OR5K2: variants seen among roughly 807,000 people sequenced by gnomAD.
OR5K2 encodes the protein olfactory receptor 5K2.
For synonymous variants in OR5K2, 124 were observed against 133.2 expected (o/e 0.93, Z 0.48); for missense variants, 402 against 369.8 (o/e 1.09, Z -0.71).
Position 98,498,009 on chromosome 3 carries a change from C to T in OR5K2, c.329C>T (p.Ala110Val). The T allele has an allele frequency of 1.9e-6, 3 of 1,614,048 alleles. No homozygotes were observed. Among genetic ancestry groups the T allele is most frequent in the Non-Finnish European group, 2.5e-6 (3 of 1,179,990 alleles). Residue 110 changes from alanine to valine, a missense_variant, in exon 1 of 1, where the codon GCA (alanine) becomes GTA (valine). Transcript: ENST00000427338. ...QFYFLCTVET[A>V]DCFLLAAVAY... ...TATTTTCTTTGCACTGTGGAAACTG[C>T]AGACTGCTTTCTTCTGGCAGCAGTG...
In OR5K2 at chr3:98,498,064, C is replaced by G. The variant is rs376458650; in HGVS notation, c.384C>G (p.Asn128Lys). The G allele has an allele frequency of 2.7e-5, 43 of 1,614,070 alleles. No individual in the cohort carries two copies. In the African/African-American group the frequency reaches 4.4e-4, roughly 17 times the overall value. The change falls in exon 1 of 1, where the codon AAC becomes AAG. Residue 128 changes from asparagine (N) to lysine (K), a missense_variant. Physicochemically the swap from Asn to Lys is moderately conservative, Grantham distance 94. Coordinates refer to ENST00000427338, the MANE Select transcript of OR5K2 (RefSeq NM_001004737.1). ...VAYDRYVAIC[N>K]PLQYHIMMSK... Reference sequence around the variant, plus strand: ...ATGACCGCTATGTGGCCATCTGCAACCCACTGCAGTACCACATCATGATGT... The same window carrying G: ...ATGACCGCTATGTGGCCATCTGCAAGCCACTGCAGTACCACATCATGATGT...
chr3:98,498,564 A>G lies in OR5K2; in HGVS notation c.884A>G (p.Lys295Arg), dbSNP rs201954452. ...CCTTTCATTTATAGTCTGAGAAACA[A>G]GGAAGTAATAAGTGTCTTAAGAAAA... is the stretch of plus-strand genomic sequence containing the variant. The part of the protein sequence containing the change: ...LNPFIYSLRN[K>R]EVISVLRKIL... Residue 295 changes from lysine to arginine, a missense_variant, in exon 1 of 1, where the codon AAG (lysine) becomes AGG (arginine). By Grantham distance (26) the Lys-to-Arg change is conservative. Coordinates refer to ENST00000427338, the MANE Select transcript of OR5K2 (RefSeq NM_001004737.1). 2.6e-5 allele frequency: 42 copies of G among 1,601,648 alleles called. No homozygotes were observed. Among genetic ancestry groups the G allele is most frequent in the Non-Finnish European group, 3.2e-5 (37 of 1,173,566 alleles).
chr3:98,497,869 G>A lies in OR5K2; in HGVS notation c.189G>A (p.Leu63=). 1 of 1,614,032 alleles carries A rather than the reference G, an allele frequency of 6.2e-7. No individual in the cohort carries two copies. The highest frequency in any genetic ancestry group is 8.5e-7 in the Non-Finnish European group (1 of 1,179,958). The change falls in exon 1 of 1, where the codon CTG becomes CTA. Residue 63 remains leucine (L), a synonymous_variant. Transcript: ENST00000427338. ...TTCACACACCAATGTACATCTTTCT[G>A]GGAAATCTGGCTCTTGTGGATTCTT... The part of the protein sequence containing the change: ...CRLHTPMYIF[L]GNLALVDSCC...
chr3:98,498,422 G>A lies in OR5K2; in HGVS notation c.742G>A (p.Val248Ile). 6.2e-7 allele frequency: 1 copy of A among 1,613,462 alleles called. No homozygotes were observed. The highest frequency in any genetic ancestry group is 1.3e-5 in the African/African-American group (1 of 74,972). ...FSTCASHFSS[V>I]SLFYGSIFFL... is the part of the protein sequence containing the mutation. ...TACTTGTGCATCCCACTTTTCATCA[G>A]TTTCATTATTCTATGGATCTATTTT... Residue 248 changes from valine (V) to isoleucine (I), a missense_variant, in exon 1 of 1, where the codon GTT becomes ATT. By Grantham distance (29) the Val-to-Ile change is conservative. Coordinates refer to ENST00000427338, the MANE Select transcript of OR5K2 (RefSeq NM_001004737.1).
Position 98,498,363 on chromosome 3 carries a change from T to C in OR5K2, c.683T>C (p.Met228Thr), listed in dbSNP as rs757775139. Residue 228 changes from methionine to threonine, a missense_variant, in exon 1 of 1, where the codon ATG becomes ACG. Met to Thr is a moderately conservative substitution (Grantham distance 81). Transcript: ENST00000427338. The part of the protein sequence containing the change: ...YLYILLTIFR[M>T]KSKEGRAKAF... Reference sequence around the variant, plus strand: ...TATATTCTTCTTACTATTTTCAGAATGAAATCCAAGGAGGGAAGGGCCAAA... The same window carrying C: ...TATATTCTTCTTACTATTTTCAGAACGAAATCCAAGGAGGGAAGGGCCAAA... 2 of 1,613,834 alleles carry C rather than the reference T, an allele frequency of 1.2e-6. No homozygotes were observed. Among genetic ancestry groups the C allele is most frequent in the African/African-American group, 2.7e-5 (2 of 75,036 alleles).
chr3:98,498,280 C>G lies in OR5K2; in HGVS notation c.600C>G (p.Phe200Leu), dbSNP rs755958165. The change falls in exon 1 of 1, where the codon TTC (phenylalanine) becomes TTG (leucine). Residue 200 changes from phenylalanine (F) to leucine (L), a missense_variant. Physicochemically the swap from Phe to Leu is conservative, Grantham distance 22 (BLOSUM62 0). Coordinates refer to ENST00000427338, the MANE Select transcript of OR5K2 (RefSeq NM_001004737.1). ...VDPFINELVL[F>L]IFSGSVQVFT... ...CTTTCATCAATGAACTGGTTCTATTCATCTTCTCAGGTTCAGTTCAAGTCT... is the reference window on the plus strand; with the variant it reads ...CTTTCATCAATGAACTGGTTCTATTGATCTTCTCAGGTTCAGTTCAAGTCT... 1.9e-6 allele frequency: 3 copies of G among 1,613,966 alleles called. No homozygotes were observed. Among genetic ancestry groups the G allele is most frequent in the Non-Finnish European group, 2.5e-6 (3 of 1,179,910 alleles).
In OR5K2 at chr3:98,498,237, G is replaced by T; in HGVS notation, c.557G>T (p.Arg186Ile). Residue 186 changes from arginine to isoleucine, a missense_variant, in exon 1 of 1, where the codon AGA becomes ATA. Physicochemically the swap from Arg to Ile is moderately conservative, Grantham distance 97. Transcript: ENST00000427338. The stretch of plus-strand genomic sequence containing the variant: ...TACTGTGATACTCTTCCCTTGTATA[G>T]ACTCTCCTGTGTTGACCCTTTCATC... ...HFYCDTLPLYRLSCVDPFINE... is the reference protein window; with the variant it reads ...HFYCDTLPLYILSCVDPFINE... The T allele has an allele frequency of 6.2e-7, 1 of 1,614,060 alleles. No homozygotes were observed.
In OR5K2 at chr3:98,497,984, T is replaced by A. The variant is rs1159326468; in HGVS notation, c.304T>A (p.Tyr102Asn). The change falls in exon 1 of 1, where the codon TAT becomes AAT. Residue 102 changes from tyrosine to asparagine, a missense_variant. Transcript: ENST00000427338. ...CCTCTATGAATGTGCAGTACAGTTT[T>A]ATTTTCTTTGCACTGTGGAAACTGC... Reference protein sequence around the residue: ...ISLYECAVQFYFLCTVETADC... With the variant: ...ISLYECAVQFNFLCTVETADC... The A allele has an allele frequency of 6.2e-7, 1 of 1,613,992 alleles. No individual in the cohort carries two copies. The highest frequency in any genetic ancestry group is 2.2e-5 in the East Asian group (1 of 44,888).
rs763166978 is a variant in OR5K2 at position 98,498,327 on chromosome 3, T to C, written c.647T>C (p.Ile216Thr). The change falls in exon 1 of 1, where the codon ATA (isoleucine) becomes ACA (threonine). Residue 216 changes from isoleucine (I) to threonine (T), a missense_variant. Physicochemically the swap from Ile to Thr is moderately conservative, Grantham distance 89. Coordinates refer to ENST00000427338, the MANE Select transcript of OR5K2 (RefSeq NM_001004737.1). ...GTCTTTACCATAGGTAGTGTCTTAATATCTTATCTCTATATTCTTCTTACT... is the reference window on the plus strand; with the variant it reads ...GTCTTTACCATAGGTAGTGTCTTAACATCTTATCTCTATATTCTTCTTACT... ...VQVFTIGSVL[I>T]SYLYILLTIF... 1 of 1,613,930 alleles carries C rather than the reference T, an allele frequency of 6.2e-7. No homozygotes were observed. The highest frequency in any genetic ancestry group is 8.5e-7 in the Non-Finnish European group (1 of 1,179,914).
rs1341560467 is a variant in OR5K2 at position 98,498,567 on chromosome 3, A to C, written c.887A>C (p.Glu296Ala). ...NPFIYSLRNKEVISVLRKILL... is the reference protein window; with the variant it reads ...NPFIYSLRNKAVISVLRKILL... ...TTCATTTATAGTCTGAGAAACAAGGAAGTAATAAGTGTCTTAAGAAAAATT... is the reference window on the plus strand; with the variant it reads ...TTCATTTATAGTCTGAGAAACAAGGCAGTAATAAGTGTCTTAAGAAAAATT... The change falls in exon 1 of 1, where the codon GAA becomes GCA. Residue 296 changes from glutamate to alanine, a missense_variant. By Grantham distance (107) the Glu-to-Ala change is moderately radical (BLOSUM62 -1). Coordinates refer to ENST00000427338, the MANE Select transcript of OR5K2 (RefSeq NM_001004737.1). 2 of 1,600,664 alleles carry C rather than the reference A, an allele frequency of 1.2e-6. No individual in the cohort carries two copies. Among genetic ancestry groups the C allele is most frequent in the Admixed American group, 1.7e-5 (1 of 57,684 alleles).
Position 98,497,850 on chromosome 3 carries a change from C to T in OR5K2, c.170C>T (p.Thr57Ile). The T allele has an allele frequency of 6.2e-7, 1 of 1,614,140 alleles. No homozygotes were observed. Among genetic ancestry groups the T allele is most frequent in the South Asian group, 1.1e-5 (1 of 91,086 alleles). Residue 57 changes from threonine to isoleucine, a missense_variant, in exon 1 of 1, where the codon ACA becomes ATA. Physicochemically the swap from Thr to Ile is moderately conservative, Grantham distance 89. Transcript: ENST00000427338. ...ATATTTACACACTGTCGGCTTCACA[C>T]ACCAATGTACATCTTTCTGGGAAAT... The part of the protein sequence containing the change: ...ALIFTHCRLH[T>I]PMYIFLGNLA...
chr3:98,498,265 T>C lies in OR5K2; in HGVS notation c.585T>C (p.Asn195=). The change falls in exon 1 of 1, where the codon AAT becomes AAC. Residue 195 remains asparagine, a synonymous_variant. Transcript: ENST00000427338. ...TCTCCTGTGTTGACCCTTTCATCAA[T>C]GAACTGGTTCTATTCATCTTCTCAG... ...YRLSCVDPFI[N]ELVLFIFSGS... The C allele has an allele frequency of 1.9e-6, 3 of 1,614,128 alleles. No individual in the cohort carries two copies. The highest frequency in any genetic ancestry group is 2.7e-5 in the African/African-American group (2 of 75,060).
chr3:98,498,135 G>A lies in OR5K2; in HGVS notation c.455G>A (p.Gly152Glu). ...ATGACCACAGGCGCCTTCATAGCTG[G>A]AAATCTGCATTCCATGATTCATGTA... The part of the protein sequence containing the change: ...IQMTTGAFIA[G>E]NLHSMIHVGL... The change falls in exon 1 of 1, where the codon GGA becomes GAA. Residue 152 changes from glycine (G) to glutamate (E), a missense_variant. Coordinates refer to ENST00000427338, the MANE Select transcript of OR5K2 (RefSeq NM_001004737.1). 6.2e-7 allele frequency: 1 copy of A among 1,614,060 alleles called. No individual in the cohort carries two copies. The highest frequency in any genetic ancestry group is 1.7e-5 in the Admixed American group (1 of 59,994).
Position 98,498,370 on chromosome 3 carries a change from C to T in OR5K2, c.690C>T (p.Ser230=), listed in dbSNP as rs775887961. The change falls in exon 1 of 1, where the codon TCC becomes TCT. Residue 230 remains serine (S), a synonymous_variant. Coordinates refer to ENST00000427338, the MANE Select transcript of OR5K2 (RefSeq NM_001004737.1). The part of the protein sequence containing the change: ...YILLTIFRMK[S]KEGRAKAFST... ...TTCTTACTATTTTCAGAATGAAATC[C>T]AAGGAGGGAAGGGCCAAAGCCTTTT... The T allele has an allele frequency of 1.9e-6, 3 of 1,613,496 alleles. No homozygotes were observed. In the African/African-American group the frequency reaches 4.0e-5, roughly 22 times the overall value.
At position 98,497,765 on chromosome 3, in the gene OR5K2, G is replaced by T. The variant is rs371939505; in HGVS notation, c.85G>T (p.Val29Leu). Reference sequence around the variant, plus strand: ...CCCTGAGCTGAAGACTCTGCTGTTTGTGGTGTTCTTTGCCATCTATCTGAT... The same window carrying T: ...CCCTGAGCTGAAGACTCTGCTGTTTTTGGTGTTCTTTGCCATCTATCTGAT... ...DHPELKTLLF[V>L]VFFAIYLITV... The change falls in exon 1 of 1, where the codon GTG (valine) becomes TTG (leucine). Residue 29 changes from valine (V) to leucine (L), a missense_variant. Physicochemically the swap from Val to Leu is conservative, Grantham distance 32 (BLOSUM62 1). Coordinates refer to ENST00000427338, the MANE Select transcript of OR5K2 (RefSeq NM_001004737.1). 2 of 1,613,984 alleles carry T rather than the reference G, an allele frequency of 1.2e-6. No individual in the cohort carries two copies. The highest frequency in any genetic ancestry group is 1.7e-6 in the Non-Finnish European group (2 of 1,179,936).
rs747087385 is a variant in OR5K2, at chr3:98,498,443, A to AT, written c.770dup (p.Leu258ProfsTer4). 5 of 1,613,454 alleles carry AT rather than the reference A, an allele frequency of 3.1e-6. No individual in the cohort carries two copies. Among genetic ancestry groups the AT allele is most frequent in the Admixed American group, 1.7e-5 (1 of 59,878 alleles). On this transcript the variant is annotated frameshift_variant, in exon 1 of 1. Transcript: ENST00000427338. LOFTEE classifies it low-confidence loss of function (END_TRUNC). ...ATCAGTTTCATTATTCTATGGATCT[A>AT]TTTTTTTCCTATACATTAGACCAAA...
Position 98,497,984 on chromosome 3 carries a change from T to C in OR5K2, c.304T>C (p.Tyr102His). The part of the protein sequence containing the change: ...ISLYECAVQF[Y>H]FLCTVETADC... ...CCTCTATGAATGTGCAGTACAGTTTTATTTTCTTTGCACTGTGGAAACTGC... is the reference window on the plus strand; with the variant it reads ...CCTCTATGAATGTGCAGTACAGTTTCATTTTCTTTGCACTGTGGAAACTGC... The change falls in exon 1 of 1, where the codon TAT becomes CAT. Residue 102 changes from tyrosine to histidine, a missense_variant. Tyr to His is a moderately conservative substitution (Grantham distance 83). Transcript: ENST00000427338. 6.2e-7 allele frequency: 1 copy of C among 1,614,110 alleles called. No homozygotes were observed. The highest frequency in any genetic ancestry group is 8.5e-7 in the Non-Finnish European group (1 of 1,179,984).
At position 98,498,056 on chromosome 3, in the gene OR5K2, A is replaced by G; in HGVS notation, c.376A>G (p.Ile126Val). The G allele has an allele frequency of 2.5e-6, 4 of 1,614,064 alleles. No homozygotes were observed. Among genetic ancestry groups the G allele is most frequent in the Non-Finnish European group, 3.4e-6 (4 of 1,179,992 alleles). ...AAVAYDRYVA[I>V]CNPLQYHIMM... Reference sequence around the variant, plus strand: ...AGTGGCCTATGACCGCTATGTGGCCATCTGCAACCCACTGCAGTACCACAT... The same window carrying G: ...AGTGGCCTATGACCGCTATGTGGCCGTCTGCAACCCACTGCAGTACCACAT... Residue 126 changes from isoleucine to valine, a missense_variant, in exon 1 of 1, where the codon ATC becomes GTC. Ile to Val is a conservative substitution (Grantham distance 29, BLOSUM62 3). Coordinates refer to ENST00000427338, the MANE Select transcript of OR5K2 (RefSeq NM_001004737.1).
rs1267130615 is a variant in OR5K2, at chr3:98,498,094, G to A, written c.414G>A (p.Lys138=). ...TGCAGTACCACATCATGATGTCCAA[G>A]AAACTCTGCATTCAGATGACCACAG... is the stretch of plus-strand genomic sequence containing the variant. The part of the protein sequence containing the change: ...NPLQYHIMMS[K]KLCIQMTTGA... Residue 138 remains lysine, a synonymous_variant, in exon 1 of 1, where the codon AAG becomes AAA. Coordinates refer to ENST00000427338, the MANE Select transcript of OR5K2 (RefSeq NM_001004737.1). 6.2e-7 allele frequency: 1 copy of A among 1,613,936 alleles called. No individual in the cohort carries two copies. The highest frequency in any genetic ancestry group is 8.5e-7 in the Non-Finnish European group (1 of 1,179,998).
Sources: allele counts gnomAD v4.1 joint callset, GRCh38; gene constraint gnomAD v4.1.1; transcripts MANE v1.5; gene names NCBI Gene and HGNC (gene_info 2026-07-23, HGNC 2026-07-21).